The following SIRPB1 variants were observed in gnomAD, a reference collection of about 807,000 sequenced individuals.
SIRPB1 encodes the protein signal-regulatory protein beta-1.
A neutral mutation model predicts 34.1 loss-of-function variants in SIRPB1; 28 were observed. The ratio of observed to expected loss-of-function variants is 0.82; its 90% CI spans 0.61 to 1.12. The LOEUF is 1.12. Among genes scored for constraint, SIRPB1 ranks in the 50% most tolerant of loss-of-function variants. The probability of loss-of-function intolerance (pLI) is 0.00; values close to 1 mark genes in which losing one functional copy is unlikely to be tolerated. For synonymous variants in SIRPB1, 211 were observed against 203.8 expected (o/e 1.04, Z -0.30); for missense variants, 499 against 507.0 (o/e 0.98, Z 0.15).
intron 1 of SIRPB1, 40 bp downstream of exon 1, chr20:1,619,829 G>T (rs930062721): frequency 2.7e-6 from 4 of 1,460,914 alleles, no homozygotes; most frequent in Admixed American, 1.7e-5. Flanking sequence ...CCATGGCTCA[G>T]TGGGCAGGAA....
Position 1,583,290 on chromosome 20 carries a change from G to T in SIRPB1, c.77-4596C>A, listed in dbSNP as rs2091407618. Among the ~76,000 whole-genome samples the T allele has an allele frequency of 4.1e-5, 2 of 49,006 alleles. 1 individual carries two copies. Among genetic ancestry groups the T allele is most frequent in the Non-Finnish European group, 7.9e-5 (2 of 25,452 alleles). The allele number at this position is 49,006 out of a possible 152,430, so 32.1% of individuals were successfully genotyped here. ...GAGTCAAAGTGCCTGAGTTCAAATC[G>T]TAGCTCTACCAGTTACCAATGAGTA... On this transcript the variant is annotated intron_variant, in intron 1 of 5. Transcript: ENST00000381605.
rs985134595 is a variant in SIRPB1, at chr20:1,573,428, G to A, written c.434-1391C>T. Among the ~76,000 whole-genome samples, 91 of 85,816 alleles carry A rather than the reference G, an allele frequency of 1.1e-3. 3 individuals are homozygous for A. Among genetic ancestry groups the A allele is most frequent in the Non-Finnish European group, 1.9e-3 (78 of 40,706 alleles). 56.3% of individuals were successfully genotyped at this position (85,816 alleles called of 152,430 possible). On this transcript the variant is annotated intron_variant, in intron 2 of 5. Coordinates refer to ENST00000381605, the MANE Select transcript of SIRPB1 (RefSeq NM_006065.5). ...ATGTAGATGAATTTTAAGGGTGTCTGCAAATTGCTAATTGTTACCTTGAAC... is the reference window on the plus strand; with the variant it reads ...ATGTAGATGAATTTTAAGGGTGTCTACAAATTGCTAATTGTTACCTTGAAC...
Position 1,578,497 on chromosome 20 carries a change from C to T in SIRPB1, c.274G>A (p.Val92Ile). The change falls in exon 2 of 6, where the codon GTT (valine) becomes ATT (isoleucine). Residue 92 changes from valine (V) to isoleucine (I), a missense_variant. Physicochemically the swap from Val to Ile is conservative, Grantham distance 29. Coordinates refer to ENST00000381605, the MANE Select transcript of SIRPB1 (RefSeq NM_006065.5). Reference protein sequence around the residue: ...KEGHFPRVTTVSELTKRNNLD... With the variant: ...KEGHFPRVTTISELTKRNNLD... ...TTGTTTCTCTTTGTGAGTTCTGAAA[C>T]AGTTGTTACCCGTGGGAAGTGGCCT... 1 of 1,583,918 alleles carries T rather than the reference C, an allele frequency of 6.3e-7. No individual in the cohort carries two copies. The highest frequency in any genetic ancestry group is 8.6e-7 in the Non-Finnish European group (1 of 1,157,664).
chr20:1,605,670 G>A (rs142344832), intron 1 of SIRPB1, among the ~76,000 whole-genome samples: 2,577 of 48,734 alleles, frequency 0.053, 1,205 homozygotes, highest in African/African-American at 0.34. Context: ...AAAAAACACA[G>A]ATCTATCTTT....
Position 1,588,567 on chromosome 20 carries a change from T to G in SIRPB1, c.77-9873A>C, listed in dbSNP as rs749234803. The G allele has an allele frequency of 1.7e-5, 10 of 595,634 alleles. 4 individuals carry two copies. The highest frequency in any genetic ancestry group is 1.3e-4 in the Admixed American group (4 of 31,678). 36.9% of individuals were successfully genotyped at this position (595,634 alleles called of 1,614,324 possible). A position where few individuals can be genotyped will look rare whatever the true frequency, so the allele number is the denominator to read the frequency against. On this transcript the variant is annotated intron_variant, in intron 1 of 5. Coordinates refer to ENST00000381605, the MANE Select transcript of SIRPB1 (RefSeq NM_006065.5). The stretch of plus-strand genomic sequence containing the variant: ...GCCCAAGGCAATGCTTACCTGTGAG[T>G]CCCAGCAATAGAGTCAGCAGCAGGA...
chr20:1,613,876 C>A (rs2091593025), intron 1 of SIRPB1, among the ~76,000 whole-genome samples: 1 of 152,052 alleles, frequency 6.6e-6, no homozygotes. Context: ...AGGAATCTAC[C>A]TATTAAGACA....
Position 1,614,556 on chromosome 20 carries a change from C to G in SIRPB1, c.76+5313G>C, listed in dbSNP as rs557622540. ...AAAGGCACTTGCCCAGGGATCCCAT[C>G]TCTCTTGCCTACCCATCTGCTTGAT... On this transcript the variant is annotated intron_variant, in intron 1 of 5. Coordinates refer to ENST00000381605, the MANE Select transcript of SIRPB1 (RefSeq NM_006065.5). 2.2e-3 allele frequency among the ~76,000 whole-genome samples: 337 copies of G among 152,064 alleles called. 1 individual carries two copies. The highest frequency in any genetic ancestry group is 6.9e-3 in the African/African-American group (285 of 41,488).
At chr20:1,615,632 C>A (rs543852035) in intron 1 of SIRPB1, among the ~76,000 whole-genome samples, 17 of 152,246 alleles carry the variant, frequency 1.1e-4, no homozygotes, top group African/African-American at 3.9e-4. Context: ...ACACAATGAG[C>A]AAGTGGTATT....
chr20:1,617,486 G>T (rs2091646612), intron 1 of SIRPB1, among the ~76,000 whole-genome samples: 1 of 152,140 alleles, frequency 6.6e-6, no homozygotes, highest in Admixed American at 6.5e-5. Flanking sequence ...TTAAAAAGTT[G>T]AACTCATAGA....
rs1051635675 is a variant in SIRPB1 at position 1,588,687 on chromosome 20, G to A, written c.77-9993C>T. On this transcript the variant is annotated intron_variant, in intron 1 of 5. Coordinates refer to ENST00000381605, the MANE Select transcript of SIRPB1 (RefSeq NM_006065.5). ...AAACGTCTGTGGTGGGGAGATGTCA[G>A]GCTCTGCTCTGAGGAGAGAAGACAA... 4 of 564,276 alleles carry A rather than the reference G, an allele frequency of 7.1e-6. 2 individuals are homozygous for A. The African/African-American group carries it at 3.2e-4, about 45-fold the overall frequency. The allele number at this position is 564,276 out of a possible 1,614,324, so 35.0% of individuals were successfully genotyped here. A position where few individuals can be genotyped will look rare whatever the true frequency, so the allele number is the denominator to read the frequency against.
intron 4 of SIRPB1, among the ~76,000 whole-genome samples, chr20:1,569,542 G>A (rs2091194231): frequency 6.6e-6 from 1 of 152,214 alleles, no homozygotes; most frequent in African/African-American, 2.4e-5. Flanking sequence ...GACATTGTTT[G>A]TCTTCTATTT....
At chr20:1,569,427 AT>A (rs2091192179) in intron 4 of SIRPB1, among the ~76,000 whole-genome samples, 1 of 152,256 alleles carries the variant, frequency 6.6e-6, no homozygotes, top group Non-Finnish European at 1.5e-5. Flanking sequence ...TTTGTGAAAA[AT>A]GTCCTTGATC....
In SIRPB1 at chr20:1,576,750, C is replaced by G. The variant is rs1568688620; in HGVS notation, c.433+1588G>C. ...GGAGAAACCCTGTCTCTACAAAATA[C>G]AAAATTAGCCAGGCATGGTAGCTCA... On this transcript the variant is annotated intron_variant, in intron 2 of 5. Coordinates refer to ENST00000381605, the MANE Select transcript of SIRPB1 (RefSeq NM_006065.5). Among the ~76,000 whole-genome samples, 3 of 148,198 alleles carry G rather than the reference C, an allele frequency of 2.0e-5. No homozygotes were observed. The South Asian group carries it at 6.3e-4, about 31-fold the overall frequency.
chr20:1,591,903 G>A lies in SIRPB1; in HGVS notation c.77-13209C>T, dbSNP rs1445852067. ...TACAATCCCCATGTGTCAAGGGAGTGACCTGGTGGGAGGTGATTGGATCAC... is the reference window on the plus strand; with the variant it reads ...TACAATCCCCATGTGTCAAGGGAGTAACCTGGTGGGAGGTGATTGGATCAC... On this transcript the variant is annotated intron_variant, in intron 1 of 5. Coordinates refer to ENST00000381605, the MANE Select transcript of SIRPB1 (RefSeq NM_006065.5). The A allele has an allele frequency of 3.5e-4, 17 of 49,260 alleles. 8 individuals carry two copies. Among genetic ancestry groups the A allele is most frequent in the African/African-American group, 2.3e-3 (17 of 7,448 alleles). The allele number at this position is 49,260 out of a possible 1,614,324, so 3.1% of individuals were successfully genotyped here.
At position 1,612,791 on chromosome 20, in the gene SIRPB1, G is replaced by A. The variant is rs112895874; in HGVS notation, c.76+7078C>T. On this transcript the variant is annotated intron_variant, in intron 1 of 5. Transcript: ENST00000381605. ...CAAATGTAACATTTTATAGTTCTGG[G>A]GGTTAGAAGTCCAAAATAGTGTTAC... is the stretch of plus-strand genomic sequence containing the variant. Among the ~76,000 whole-genome samples, 2 of 72,322 alleles carry A rather than the reference G, an allele frequency of 2.8e-5. 1 individual carries two copies. The highest frequency in any genetic ancestry group is 5.2e-5 in the Non-Finnish European group (2 of 38,608). The allele number at this position is 72,322 out of a possible 152,430, so 47.4% of individuals were successfully genotyped here.
At chr20:1,619,834 C>T in intron 1 of SIRPB1, 35 bp downstream of exon 1, 5 of 1,494,256 alleles carry the variant, frequency 3.3e-6, no homozygotes, top group Non-Finnish European at 4.6e-6. Context: ...GCTCAGTGGG[C>T]AGGAAAAAAG....
chr20:1,614,350 T>C (rs1212309035), intron 1 of SIRPB1, among the ~76,000 whole-genome samples: 4 of 152,168 alleles, frequency 2.6e-5, no homozygotes, highest in African/African-American at 9.7e-5. Flanking sequence ...AAAATCATGC[T>C]TCAATATCCC....
rs2091458335 is a variant in SIRPB1 at position 1,596,530 on chromosome 20, C to G, written c.77-17836G>C. On this transcript the variant is annotated intron_variant, in intron 1 of 5. Coordinates refer to ENST00000381605, the MANE Select transcript of SIRPB1 (RefSeq NM_006065.5). ...AGTCGTTTTTGTAATCTTGCACTACCATGCAAAGTGAGGACTGCCCTGTAT... is the reference window on the plus strand; with the variant it reads ...AGTCGTTTTTGTAATCTTGCACTACGATGCAAAGTGAGGACTGCCCTGTAT... 4.1e-5 allele frequency among the ~76,000 whole-genome samples: 2 copies of G among 48,548 alleles called. 1 individual carries two copies. Among genetic ancestry groups the G allele is most frequent in the African/African-American group, 2.7e-4 (2 of 7,338 alleles). 31.8% of individuals were successfully genotyped at this position (48,548 alleles called of 152,430 possible).
In SIRPB1 at chr20:1,587,087, A is replaced by G. The variant is rs1255542724; in HGVS notation, c.77-8393T>C. On this transcript the variant is annotated intron_variant, in intron 1 of 5. Coordinates refer to ENST00000381605, the MANE Select transcript of SIRPB1 (RefSeq NM_006065.5). Reference sequence around the variant, plus strand: ...GGAACTCTGAAGCTGGTCGACCTGGACTTGAATCCCATCTGCTCCACTGAT... The same window carrying G: ...GGAACTCTGAAGCTGGTCGACCTGGGCTTGAATCCCATCTGCTCCACTGAT... Among the ~76,000 whole-genome samples, 2 of 48,418 alleles carry G rather than the reference A, an allele frequency of 4.1e-5. 1 individual carries two copies. Among genetic ancestry groups the G allele is most frequent in the Admixed American group, 2.8e-4 (2 of 7,210 alleles). 31.8% of individuals were successfully genotyped at this position (48,418 alleles called of 152,430 possible).
Sources: gnomAD v4.1 joint callset for allele counts (sites outside exome capture counted in the v4.1 genomes callset) on GRCh38, gnomAD v4.1.1 for gene constraint, MANE v1.5 for transcripts, NCBI Gene and HGNC (gene_info 2026-07-23, HGNC 2026-07-21) for gene names.